Variants in PSENEN observed in about 807,000 individuals in gnomAD.
PSENEN encodes gamma-secretase subunit PEN-2.
Under a neutral mutation model 15.4 loss-of-function variants are expected in PSENEN, and 4 were observed. That is an observed-to-expected ratio of 0.26 (90% CI 0.13 to 0.59). The LOEUF (loss-of-function observed/expected upper bound fraction) is 0.59, where lower values mean the gene tolerates loss of function less well. PSENEN is among the 20% of genes least tolerant of loss of function. PSENEN has a pLI of 0.89. For synonymous variants in PSENEN, 42 were observed against 46.5 expected (o/e 0.90, Z 0.39); for missense variants, 112 against 120.3 (o/e 0.93, Z 0.32).
chr19:35,747,388 T>G lies in PSENEN; in HGVS notation c.*541T>G, dbSNP rs1970611790. ...CCTACTGTGGGCTGCAGTATTCTCA[T>G]CAGAAGTGTAGATCACGATGCTACT... On this transcript the variant is annotated 3_prime_UTR_variant, in exon 4 of 4. Transcript: ENST00000587708. The G allele has an allele frequency of 6.6e-6, 1 of 152,246 alleles. No individual in the cohort carries two copies. The highest frequency in any genetic ancestry group is 6.5e-5 in the Admixed American group (1 of 15,278). 9.4% of individuals were successfully genotyped at this position (152,246 alleles called of 1,614,324 possible).
Position 35,746,718 on chromosome 19 carries a change from C to T in PSENEN, c.177C>T (p.Arg59=), listed in dbSNP as rs1970585378. The part of the protein sequence containing the change: ...EQSQIKGYVW[R]SAVGFLFWVI... ...TGTTTCCCATGACAGATGTCTGGCGCTCAGCTGTGGGCTTCCTCTTCTGGG... is the reference window on the plus strand; with the variant it reads ...TGTTTCCCATGACAGATGTCTGGCGTTCAGCTGTGGGCTTCCTCTTCTGGG... Residue 59 remains arginine, a synonymous_variant, in exon 4 of 4, where the codon CGC becomes CGT. Transcript: ENST00000587708. 1.9e-6 allele frequency: 3 copies of T among 1,614,156 alleles called. No homozygotes were observed. The highest frequency in any genetic ancestry group is 1.7e-5 in the Admixed American group (1 of 60,024).
intron 2 of PSENEN, 97 bp downstream of exon 2, chr19:35,746,088 G>A: frequency 7.7e-7 from 1 of 1,306,550 alleles, no homozygotes; most frequent in Admixed American, 1.8e-5. Context: ...AAGTCTAAGA[G>A]ATGAAGGACC....
rs377423067 is a variant in PSENEN at position 35,746,790 on chromosome 19, C to T, written c.249C>T (p.Pro83=). 9 of 1,614,076 alleles carry T rather than the reference C, an allele frequency of 5.6e-6. No individual in the cohort carries two copies. The Admixed American group carries it at 1.5e-4, about 27-fold the overall frequency. ...SWITIFQIYR[P]RWGALGDYLS... is the part of the protein sequence containing the mutation. ...TCACCATCTTCCAGATCTACCGGCC[C>T]CGCTGGGGTGCCCTTGGGGACTACC... is the stretch of plus-strand genomic sequence containing the variant. Residue 83 remains proline, a synonymous_variant, in exon 4 of 4, where the codon CCC becomes CCT. Transcript: ENST00000587708.
chr19:35,747,226 C>CT lies in PSENEN; in HGVS notation c.*397dup, dbSNP rs36096387. ...GTGCTTCCATTTCTTTTTCTTTTTTCTTTTTTTTTTTTTTTTTTGAGACAG... is the reference window on the plus strand; with the variant it reads ...GTGCTTCCATTTCTTTTTCTTTTTTCTTTTTTTTTTTTTTTTTTTGAGACAG... On this transcript the variant is annotated 3_prime_UTR_variant, in exon 4 of 4. Coordinates refer to ENST00000587708, the MANE Select transcript of PSENEN (RefSeq NM_172341.4). 0.11 allele frequency: 14,726 copies of CT among 128,438 alleles called. 885 individuals carry two copies. Among genetic ancestry groups the CT allele is most frequent in the East Asian group, 0.21 (922 of 4,412 alleles). The allele number at this position is 128,438 out of a possible 1,614,324, so 8.0% of individuals were successfully genotyped here.
rs1438165977 is a variant in PSENEN at position 35,745,952 on chromosome 19, A to G, written c.22A>G (p.Asn8Asp). Residue 8 changes from asparagine (N) to aspartate (D), a missense_variant, in exon 2 of 4, where the codon AAT becomes GAT. Physicochemically the swap from Asn to Asp is conservative, Grantham distance 23 (BLOSUM62 1). Coordinates refer to ENST00000587708, the MANE Select transcript of PSENEN (RefSeq NM_172341.4). MNLERVS[N>D]EEKLNLCRKY... Reference sequence around the variant, plus strand: ...AGCTATGAACCTGGAGCGAGTGTCCAATGAGGAGAAATTGAACCTGTGCCG... The same window carrying G: ...AGCTATGAACCTGGAGCGAGTGTCCGATGAGGAGAAATTGAACCTGTGCCG... 1 of 1,614,158 alleles carries G rather than the reference A, an allele frequency of 6.2e-7. No homozygotes were observed. The highest frequency in any genetic ancestry group is 1.1e-5 in the South Asian group (1 of 91,086).
chr19:35,745,841 G>A lies in PSENEN; in HGVS notation c.-90G>A. 7.8e-7 allele frequency: 1 copy of A among 1,279,678 alleles called. No homozygotes were observed. The highest frequency in any genetic ancestry group is 1.1e-6 in the Non-Finnish European group (1 of 876,378). 79.3% of individuals were successfully genotyped at this position (1,279,678 alleles called of 1,614,324 possible). On this transcript the variant is annotated 5_prime_UTR_variant, in exon 2 of 4. Coordinates refer to ENST00000587708, the MANE Select transcript of PSENEN (RefSeq NM_172341.4). ...CTCTGATTTGTTCTAATAGGGGCGTGGTTGTTCGTGATCCTTGCATCTGTT... is the reference window on the plus strand; with the variant it reads ...CTCTGATTTGTTCTAATAGGGGCGTAGTTGTTCGTGATCCTTGCATCTGTT...
At chr19:35,746,343 T>C in intron 2 of PSENEN, 76 bp from the exon 3 acceptor site, 1 of 1,237,618 alleles carries the variant, frequency 8.1e-7, no homozygotes, top group South Asian at 1.2e-5. Flanking sequence ...CAAATAGATC[T>C]CGGTGGGAGT....
intron 2 of PSENEN, 135 bp from the exon 3 acceptor site, chr19:35,746,284 C>T (rs1211353482): frequency 6.1e-6 from 5 of 821,644 alleles, no homozygotes; most frequent in Non-Finnish European, 1.0e-5. Context: ...TTCCTGAGTC[C>T]CTGACAACAG....
rs1484446303 is a variant in PSENEN at position 35,746,487 on chromosome 19, G to T, written c.130G>T (p.Val44Phe). Residue 44 changes from valine (V) to phenylalanine (F), a missense_variant, in exon 3 of 4, where the codon GTC becomes TTC. Physicochemically the swap from Val to Phe is conservative, Grantham distance 50. Coordinates refer to ENST00000587708, the MANE Select transcript of PSENEN (RefSeq NM_172341.4). ...IFWFFREAFL[V>F]PAYTEQSQIK... ...CTGGTTCTTCCGAGAGGCCTTCCTTGTCCCAGCCTACACAGAACAGAGCCA... is the reference window on the plus strand; with the variant it reads ...CTGGTTCTTCCGAGAGGCCTTCCTTTTCCCAGCCTACACAGAACAGAGCCA... The T allele has an allele frequency of 1.2e-6, 2 of 1,613,938 alleles. No individual in the cohort carries two copies. The highest frequency in any genetic ancestry group is 2.2e-5 in the South Asian group (2 of 91,076).
intron 2 of PSENEN, 133 bp downstream of exon 2, chr19:35,746,124 G>A: frequency 1.1e-6 from 1 of 943,604 alleles, no homozygotes; most frequent in South Asian, 1.4e-5. Flanking sequence ...CTGGATTTGA[G>A]TGGGGAGGGC....
Position 35,746,987 on chromosome 19 carries a change from A to C in PSENEN, c.*140A>C. ...CGTTCTCTGCTGACATCCCCCAATA[A>C]AGGACCCTAACTTTCGATACTGACT... On this transcript the variant is annotated 3_prime_UTR_variant, in exon 4 of 4. Transcript: ENST00000587708. 1.3e-5 allele frequency: 10 copies of C among 797,604 alleles called. No individual in the cohort carries two copies. Among genetic ancestry groups the C allele is most frequent in the Non-Finnish European group, 1.7e-5 (9 of 517,984 alleles). The allele number at this position is 797,604 out of a possible 1,614,324, so 49.4% of individuals were successfully genotyped here.
Position 35,745,917 on chromosome 19 carries a change from GC to G in PSENEN, c.-10del. The G allele has an allele frequency of 6.2e-7, 1 of 1,614,032 alleles. No individual in the cohort carries two copies. Among genetic ancestry groups the G allele is most frequent in the Non-Finnish European group, 8.5e-7 (1 of 1,179,976 alleles). On this transcript the variant is annotated 5_prime_UTR_variant, in exon 2 of 4. Transcript: ENST00000587708. ...CCCCGCAGACCCTTGGGACGACCCG[GC>G]CCCAGCGCAGCTATGAACCTGGAGC...
Position 35,745,881 on chromosome 19 carries a change from C to T in PSENEN, c.-50C>T. ...TTGCATCTGTTACTTAGGGTCAAGGCTTGGGTCTTGCCCCGCAGACCCTTG... is the reference window on the plus strand; with the variant it reads ...TTGCATCTGTTACTTAGGGTCAAGGTTTGGGTCTTGCCCCGCAGACCCTTG... On this transcript the variant is annotated 5_prime_UTR_variant, in exon 2 of 4. Coordinates refer to ENST00000587708, the MANE Select transcript of PSENEN (RefSeq NM_172341.4). 6.3e-7 allele frequency: 1 copy of T among 1,578,690 alleles called. No homozygotes were observed.
chr19:35,746,079 A>G lies in PSENEN; in HGVS notation c.61+88A>G, dbSNP rs1400619176. On this transcript the variant is annotated intron_variant, in intron 2 of 3. Transcript: ENST00000587708. ...GAGGGCCTCGGGGCCTGGATTCTTAAGTCTAAGAGATGAAGGACCTGCGAA... is the reference window on the plus strand; with the variant it reads ...GAGGGCCTCGGGGCCTGGATTCTTAGGTCTAAGAGATGAAGGACCTGCGAA... The G allele has an allele frequency of 4.4e-6, 6 of 1,379,114 alleles. No individual in the cohort carries two copies. The African/African-American group carries it at 5.7e-5, about 13-fold the overall frequency. 85.4% of individuals were successfully genotyped at this position (1,379,114 alleles called of 1,614,324 possible). A position where few individuals can be genotyped will look rare whatever the true frequency, so the allele number is the denominator to read the frequency against.
At chr19:35,746,287 G>C in intron 2 of PSENEN, 132 bp from the exon 3 acceptor site, 1 of 840,570 alleles carries the variant, frequency 1.2e-6, no homozygotes, top group Non-Finnish European at 2.0e-6. Flanking sequence ...CTGAGTCCCT[G>C]ACAACAGAAA....
Position 35,746,434 on chromosome 19 carries a change from T to C in PSENEN, c.77T>C (p.Leu26Pro), listed in dbSNP as rs1343999285. The C allele has an allele frequency of 3.1e-6, 5 of 1,613,860 alleles. No individual in the cohort carries two copies. The highest frequency in any genetic ancestry group is 4.2e-6 in the Non-Finnish European group (5 of 1,179,966). ...RKYYLGGFAF[L>P]PFLWLVNIFW... Reference sequence around the variant, plus strand: ...TTCTCCCTAGGGGGGTTTGCTTTCCTGCCTTTTCTCTGGTTGGTCAACATC... The same window carrying C: ...TTCTCCCTAGGGGGGTTTGCTTTCCCGCCTTTTCTCTGGTTGGTCAACATC... The change falls in exon 3 of 4, where the codon CTG becomes CCG. Residue 26 changes from leucine to proline, a missense_variant. Coordinates refer to ENST00000587708, the MANE Select transcript of PSENEN (RefSeq NM_172341.4).
chr19:35,746,576 G>A (rs759159965), intron 3 of PSENEN, 53 bp downstream of exon 3: 24 of 1,599,936 alleles, frequency 1.5e-5, no homozygotes, highest in African/African-American at 2.7e-5. Context: ...AGGGGGAAGC[G>A]GGGAATCTTG....
chr19:35,745,864 G>A lies in PSENEN; in HGVS notation c.-67G>A, dbSNP rs189109008. On this transcript the variant is annotated 5_prime_UTR_variant, in exon 2 of 4. Transcript: ENST00000587708. Reference sequence around the variant, plus strand: ...GTGGTTGTTCGTGATCCTTGCATCTGTTACTTAGGGTCAAGGCTTGGGTCT... The same window carrying A: ...GTGGTTGTTCGTGATCCTTGCATCTATTACTTAGGGTCAAGGCTTGGGTCT... 4.2e-5 allele frequency: 62 copies of A among 1,474,196 alleles called. No homozygotes were observed. In the Admixed American group the frequency reaches 9.9e-4, roughly 23 times the overall value. The allele number at this position is 1,474,196 out of a possible 1,614,324, so 91.3% of individuals were successfully genotyped here.
rs1304526563 is a variant in PSENEN at position 35,746,773 on chromosome 19, T to C, written c.232T>C (p.Phe78Leu). The C allele has an allele frequency of 6.2e-6, 10 of 1,614,018 alleles. No homozygotes were observed. Among genetic ancestry groups the C allele is most frequent in the Non-Finnish European group, 8.5e-6 (10 of 1,180,020 alleles). The change falls in exon 4 of 4, where the codon TTC becomes CTC. Residue 78 changes from phenylalanine (F) to leucine (L), a missense_variant. Physicochemically the swap from Phe to Leu is conservative, Grantham distance 22. Transcript: ENST00000587708. Reference protein sequence around the residue: ...VIVLTSWITIFQIYRPRWGAL... With the variant: ...VIVLTSWITILQIYRPRWGAL... ...AGTGCTCACCTCCTGGATCACCATC[T>C]TCCAGATCTACCGGCCCCGCTGGGG... is the stretch of plus-strand genomic sequence containing the variant.
Sources: allele counts gnomAD v4.1 joint callset, GRCh38; gene constraint gnomAD v4.1.1; transcripts MANE v1.5; gene names NCBI Gene and HGNC (gene_info 2026-07-23, HGNC 2026-07-21).